TCP11L1: variants seen among roughly 807,000 people sequenced by gnomAD.
TCP11L1 encodes T-complex protein 11-like protein 1.
TCP11L1 carries 28 observed loss-of-function variants against 48.9 expected under a neutral mutation model. The observed-to-expected ratio is 0.57, with a 90% CI of 0.42 to 0.78. The LOEUF is 0.78. Ranked by LOEUF, TCP11L1 falls within the 30% of genes least tolerant of loss-of-function variation. TCP11L1 has a pLI of 0.00. For missense variants in TCP11L1, 505 were observed against 613.4 expected (o/e 0.82, Z 1.87); for synonymous variants, 204 against 231.9 (o/e 0.88, Z 1.09).
At chr11:33,051,864 T>C (rs1854171372) in intron 2 of TCP11L1, among the ~76,000 whole-genome samples, 1 of 152,238 alleles carries the variant, frequency 6.6e-6, no homozygotes, top group Non-Finnish European at 1.5e-5. Context: ...TGTTATAGTT[T>C]TATAATAAGT....
In TCP11L1 at chr11:33,073,100, T is replaced by C; in HGVS notation, c.*424T>C. ...ACCTCCTGCCCTCCCTCAGACAGCC[T>C]TGTCCCTCACCCCTCCCTTCTGGTA... On this transcript the variant is annotated 3_prime_UTR_variant, in exon 10 of 10. Coordinates refer to ENST00000334274, the MANE Select transcript of TCP11L1 (RefSeq NM_018393.4). 1 of 195,142 alleles carries C rather than the reference T, an allele frequency of 5.1e-6. No individual in the cohort carries two copies. The highest frequency in any genetic ancestry group is 1.1e-5 in the Non-Finnish European group (1 of 93,460). 12.1% of individuals were successfully genotyped at this position (195,142 alleles called of 1,614,324 possible).
chr11:33,055,841 G>A (rs1854292772), intron 3 of TCP11L1, among the ~76,000 whole-genome samples: 1 of 152,132 alleles, frequency 6.6e-6, no homozygotes, highest in South Asian at 2.1e-4. Context: ...TTTTTGAGAT[G>A]GAGTGTCGCT....
intron 2 of TCP11L1, among the ~76,000 whole-genome samples, chr11:33,044,576 C>T (rs55930446): frequency 0.028 from 4,238 of 152,166 alleles, 87 homozygotes; most frequent in Non-Finnish European, 0.042. Flanking sequence ...CTAAGAATGT[C>T]GGTATTGATG....
At chr11:33,072,046 A>G (rs1028696009) in intron 9 of TCP11L1, among the ~76,000 whole-genome samples, 1 of 152,128 alleles carries the variant, frequency 6.6e-6, no homozygotes, top group Non-Finnish European at 1.5e-5. Flanking sequence ...GGGCTTCACC[A>G]CAATGGCCAG....
intron 5 of TCP11L1, 75 bp from the exon 6 acceptor site, chr11:33,058,884 C>T (rs1361773706): frequency 9.1e-6 from 14 of 1,533,666 alleles, no homozygotes; most frequent in Middle Eastern, 1.8e-4. Flanking sequence ...GTGTGAGCCA[C>T]GCGTCTGGTC....
Position 33,058,035 on chromosome 11 carries a change from G to T in TCP11L1, c.534G>T (p.Lys178Asn). The part of the protein sequence containing the change: ...EAENGALDIS[K>N]LAEFIIGMMG... The stretch of plus-strand genomic sequence containing the variant: ...AGAATGGGGCGCTAGACATTTCCAA[G>T]CTGGCAGAATTCATTATTGGCATGA... Residue 178 changes from lysine to asparagine, a missense_variant, in exon 5 of 10, where the codon AAG becomes AAT. Physicochemically the swap from Lys to Asn is moderately conservative, Grantham distance 94. Around this residue, in one of 3 missense-constraint regions of TCP11L1, gnomAD observed 335 missense variants for 413.3 expected, o/e 0.81. Transcript: ENST00000334274. 1 of 1,614,120 alleles carries T rather than the reference G, an allele frequency of 6.2e-7. No individual in the cohort carries two copies. The highest frequency in any genetic ancestry group is 8.5e-7 in the Non-Finnish European group (1 of 1,180,026).
Position 33,061,642 on chromosome 11 carries a change from G to A in TCP11L1, c.888G>A (p.Met296Ile). ...GAATGGCTGCTGGCTCTGGGGACAT[G>A]CCCAGGCTGAGCCCTGTTGCTGTCC... ...VGGMAAGSGD[M>I]PRLSPVAVQN... Residue 296 changes from methionine (M) to isoleucine (I), a missense_variant, in exon 7 of 10, where the codon ATG becomes ATA. Met to Ile is a conservative substitution (Grantham distance 10, BLOSUM62 1). Around this residue, in one of 3 missense-constraint regions of TCP11L1, gnomAD observed 335 missense variants for 413.3 expected, o/e 0.81. Coordinates refer to ENST00000334274, the MANE Select transcript of TCP11L1 (RefSeq NM_018393.4). The A allele has an allele frequency of 1.9e-6, 3 of 1,613,182 alleles. No individual in the cohort carries two copies. Among genetic ancestry groups the A allele is most frequent in the Non-Finnish European group, 2.5e-6 (3 of 1,179,592 alleles).
intron 6 of TCP11L1, 136 bp downstream of exon 6, chr11:33,059,231 A>G: frequency 2.4e-6 from 3 of 1,224,970 alleles, no homozygotes; most frequent in Non-Finnish European, 3.4e-6. Flanking sequence ...AAGAAGGAAA[A>G]GCACAAAATG....
intron 9 of TCP11L1, among the ~76,000 whole-genome samples, chr11:33,069,473 A>T (rs527768879): frequency 1.6e-4 from 24 of 152,172 alleles, no homozygotes; most frequent in African/African-American, 5.5e-4. Flanking sequence ...ATATTCTATA[A>T]TATTAGCTAT....
At chr11:33,059,885 G>A (rs1334309881) in intron 6 of TCP11L1, among the ~76,000 whole-genome samples, 1 of 152,216 alleles carries the variant, frequency 6.6e-6, no homozygotes, top group African/African-American at 2.4e-5. Flanking sequence ...AGTAGAAGAA[G>A]TTTGGTAATG....
intron 2 of TCP11L1, among the ~76,000 whole-genome samples, chr11:33,044,313 T>G (rs112941026): frequency 7.7e-6 from 1 of 129,832 alleles, no homozygotes; most frequent in Non-Finnish European, 1.7e-5. Context: ...AAAAAAAATG[T>G]GAGTAAGTTC....
In TCP11L1 at chr11:33,072,690, T is replaced by C. The variant is rs1224687698; in HGVS notation, c.*14T>C. ...GTCCGATCCTAACGTGTATGCACCCTACAGCAGCAGTATTACTCACTAGCC... is the reference window on the plus strand; with the variant it reads ...GTCCGATCCTAACGTGTATGCACCCCACAGCAGCAGTATTACTCACTAGCC... On this transcript the variant is annotated 3_prime_UTR_variant, in exon 10 of 10. Transcript: ENST00000334274. The C allele has an allele frequency of 1.9e-6, 3 of 1,613,894 alleles. No individual in the cohort carries two copies. Among genetic ancestry groups the C allele is most frequent in the East Asian group, 2.2e-5 (1 of 44,890 alleles).
chr11:33,066,070 T>A, intron 8 of TCP11L1, 59 bp downstream of exon 8: 1 of 1,587,778 alleles, frequency 6.3e-7, no homozygotes, highest in South Asian at 1.2e-5. Flanking sequence ...CCGACTGGAG[T>A]CTCCCAGAGG....
intron 9 of TCP11L1, among the ~76,000 whole-genome samples, chr11:33,070,421 C>T (rs1854747730): frequency 6.6e-6 from 1 of 152,210 alleles, no homozygotes; most frequent in Admixed American, 6.5e-5. Flanking sequence ...CACAGTGGCT[C>T]ATGCCTATAA....
chr11:33,054,869 CA>C (rs752169065), intron 3 of TCP11L1, 144 bp downstream of exon 3: 4 of 1,077,616 alleles, frequency 3.7e-6, no homozygotes, highest in Non-Finnish European at 5.2e-6. Flanking sequence ...GAACAAGGAA[CA>C]ACCTAAAAAT....
chr11:33,042,274 G>T (rs1368087043), intron 1 of TCP11L1, among the ~76,000 whole-genome samples: 1 of 152,164 alleles, frequency 6.6e-6, no homozygotes, highest in Non-Finnish European at 1.5e-5. Context: ...GGGACTACAG[G>T]CACCGCCACC....
At chr11:33,055,040 A>G (rs1157506871) in intron 3 of TCP11L1, among the ~76,000 whole-genome samples, 10 of 152,230 alleles carry the variant, frequency 6.6e-5, no homozygotes, top group African/African-American at 2.2e-4. Context: ...ACTGTGGGTT[A>G]TTCTCTGTGT....
intron 3 of TCP11L1, among the ~76,000 whole-genome samples, chr11:33,055,351 G>T (rs1236207755): frequency 1.3e-5 from 2 of 152,204 alleles, no homozygotes; most frequent in Non-Finnish European, 2.9e-5. Context: ...GTTGCAGGAT[G>T]AATGCTGCAG....
intron 2 of TCP11L1, among the ~76,000 whole-genome samples, chr11:33,045,075 C>T (rs970942179): frequency 6.6e-6 from 1 of 152,064 alleles, no homozygotes; most frequent in African/African-American, 2.4e-5. Context: ...CCAGGATTGG[C>T]CAGGCATGGT....
Sources: allele counts gnomAD v4.1 joint callset (sites outside exome capture counted in the v4.1 genomes callset), GRCh38; gene constraint gnomAD v4.1.1; regional missense constraint gnomAD v4.1.1; transcripts MANE v1.5; gene names NCBI Gene and HGNC (gene_info 2026-07-23, HGNC 2026-07-21).